Variants in HSP90AA1 observed in about 807,000 individuals in gnomAD.
The protein encoded by HSP90AA1 is heat shock protein 90 alpha family class A member 1.
Under a neutral mutation model 73.3 loss-of-function variants are expected in HSP90AA1, and 18 were observed. That is an observed-to-expected ratio of 0.25 (90% CI 0.17 to 0.36). HSP90AA1 has a LOEUF of 0.36. HSP90AA1 is among the 10% of genes least tolerant of loss of function. The pLI is 1.00. For missense variants in HSP90AA1, 704 were observed against 874.2 expected (o/e 0.81, Z 2.45); for synonymous variants, 477 against 296.9 (o/e 1.61, Z -6.24).
chr14:102,100,173 G>A (rs374263990), intron 2 of HSP90AA1, among the ~76,000 whole-genome samples: 2 of 152,206 alleles, frequency 1.3e-5, no homozygotes, highest in Admixed American at 1.3e-4. Flanking sequence ...GGGTAGCAGA[G>A]CAAAACTCTG....
chr14:102,096,637 T>C (rs1479230728), intron 2 of HSP90AA1, among the ~76,000 whole-genome samples: 1 of 152,242 alleles, frequency 6.6e-6, no homozygotes, highest in Non-Finnish European at 1.5e-5. Context: ...ACTCTGTCTT[T>C]CTCGTCTCAA....
intron 1 of HSP90AA1, among the ~76,000 whole-genome samples, chr14:102,086,645 C>T (rs929700449): frequency 2.6e-5 from 4 of 151,236 alleles, no homozygotes; most frequent in Admixed American, 2.6e-4. Flanking sequence ...GGTGCCCTCC[C>T]GCGCGGGCTG....
chr14:102,100,423 GTTTT>G (rs71116879), intron 2 of HSP90AA1, among the ~76,000 whole-genome samples: 1 of 106,304 alleles, frequency 9.4e-6, no homozygotes, highest in African/African-American at 3.3e-5. Context: ...TTCCAGTCTG[GTTTT>G]TTTTTTTTTT....
chr14:102,088,828 G>C (rs2049309603), upstream of HSP90AA1, among the ~76,000 whole-genome samples: 1 of 151,974 alleles, frequency 6.6e-6, no homozygotes, highest in Non-Finnish European at 1.5e-5. Flanking sequence ...TCCTACCGCA[G>C]TTTCTGCCAT....
intron 1 of HSP90AA1, chr14:102,139,126 G>C (rs1397421647): frequency 7.5e-6 from 9 of 1,195,324 alleles, no homozygotes; most frequent in Non-Finnish European, 1.1e-5. Context: ...GGCCGCCAGT[G>C]CTCATCACAC....
chr14:102,134,143 C>A (rs2049946775), intron 1 of HSP90AA1, among the ~76,000 whole-genome samples: 2 of 62,934 alleles, frequency 3.2e-5, no homozygotes, highest in South Asian at 1.6e-3. Flanking sequence ...AGAGTGAGAC[C>A]TGTCTCAAAA....
chr14:102,112,661 G>A (rs904867492), intron 1 of HSP90AA1, among the ~76,000 whole-genome samples: 6 of 151,926 alleles, frequency 3.9e-5, no homozygotes, highest in Non-Finnish European at 8.8e-5. Flanking sequence ...AAATTTTTTT[G>A]TAGAGATGGA....
chr14:102,082,668 T>TGGAG (rs1417600205), intron 9 of HSP90AA1: 12 of 561,478 alleles, frequency 2.1e-5, no homozygotes, highest in Non-Finnish European at 3.5e-5. Context: ...TCACCCAGGC[T>TGGAG]GGAGTGCAGT....
intron 2 of HSP90AA1, among the ~76,000 whole-genome samples, chr14:102,100,086 G>T (rs1258015102): frequency 1.3e-4 from 20 of 152,114 alleles, no homozygotes; most frequent in Admixed American, 1.3e-3. Context: ...TAACTGGGAG[G>T]CTGAGCAGGG....
At position 102,137,397 on chromosome 14, in the gene HSP90AA1, C is replaced by T. The variant is rs568514772; in HGVS notation, c.155+1853G>A. Among the ~76,000 whole-genome samples, 42 of 152,006 alleles carry T rather than the reference C, an allele frequency of 2.8e-4. No individual in the cohort carries two copies. The East Asian group carries it at 7.9e-3, about 29-fold the overall frequency. ...CTGGAGTGCAGTGGTGCCATCTCGG[C>T]TCATTGCAACCTCCACCTCCCGGGT... On this transcript the variant is annotated intron_variant, in intron 1 of 11. Coordinates refer to the HSP90AA1 transcript ENST00000334701.
chr14:102,087,931 GT>G (rs71116877), upstream of HSP90AA1, among the ~76,000 whole-genome samples: 187 of 109,800 alleles, frequency 1.7e-3, 1 homozygote, highest in Middle Eastern at 6.6e-3. Flanking sequence ...GCCCTAAAAG[GT>G]TTTTTTTTTT....
intron 1 of HSP90AA1, among the ~76,000 whole-genome samples, chr14:102,133,218 T>G (rs2049930603): frequency 6.6e-6 from 1 of 151,930 alleles, no homozygotes; most frequent in Admixed American, 6.5e-5. Flanking sequence ...AGGTGGAGGT[T>G]GCAGTGAGCT....
At chr14:102,110,564 C>T (rs1243082625) in intron 1 of HSP90AA1, among the ~76,000 whole-genome samples, 4 of 151,072 alleles carry the variant, frequency 2.6e-5, no homozygotes, top group Admixed American at 6.6e-5. Context: ...GGATTACAGG[C>T]GCCCACCACC....
At chr14:102,113,225 T>C (rs1417121889) in intron 1 of HSP90AA1, among the ~76,000 whole-genome samples, 3 of 152,040 alleles carry the variant, frequency 2.0e-5, no homozygotes, top group African/African-American at 4.8e-5. Context: ...GGTTTCACCA[T>C]GTTGGCCAGG....
At chr14:102,084,013 G>A (rs763998762) in intron 6 of HSP90AA1, 30 bp from the exon 7 acceptor site, 4 of 1,533,074 alleles carry the variant, frequency 2.6e-6, no homozygotes, top group African/African-American at 2.7e-5. Context: ...AATGCACTGA[G>A]TCATTCCAAG....
intron 2 of HSP90AA1, among the ~76,000 whole-genome samples, chr14:102,097,637 A>T (rs1206319961): frequency 6.6e-6 from 1 of 152,088 alleles, no homozygotes; most frequent in African/African-American, 2.4e-5. Flanking sequence ...ATCCTCAGAT[A>T]CCCCTCGAGG....
At chr14:102,122,816 T>C (rs191756208) in intron 1 of HSP90AA1, among the ~76,000 whole-genome samples, 11,692 of 150,624 alleles carry the variant, frequency 0.078, 589 homozygotes, top group Middle Eastern at 0.13. Context: ...TACAGGTGCC[T>C]GCCACCATGC....
In HSP90AA1 at chr14:102,084,149, A is replaced by T; in HGVS notation, c.1148-166T>A. ...CAGTGGCGCAATCTCCACTCACTGCAACCTCTGCCTCCCGGGGGGGTTCAA... is the reference window on the plus strand; with the variant it reads ...CAGTGGCGCAATCTCCACTCACTGCTACCTCTGCCTCCCGGGGGGGTTCAA... On this transcript the variant is annotated intron_variant, in intron 6 of 10. Transcript: ENST00000216281. 4 of 715,948 alleles carry T rather than the reference A, an allele frequency of 5.6e-6. No homozygotes were observed. In the Admixed American group the frequency reaches 6.6e-5, roughly 12 times the overall value. 44.3% of individuals were successfully genotyped at this position (715,948 alleles called of 1,614,324 possible).
chr14:102,082,068 G>A (rs775513014), intron 10 of HSP90AA1, 43 bp downstream of exon 10: 15 of 1,301,078 alleles, frequency 1.2e-5, no homozygotes, highest in East Asian at 9.3e-5. Flanking sequence ...TCAATGTCAC[G>A]TGTGTTTATT....
Sources: gnomAD v4.1 joint callset for allele counts (sites outside exome capture counted in the v4.1 genomes callset) on GRCh38, gnomAD v4.1.1 for gene constraint, MANE v1.5 for transcripts, NCBI Gene and HGNC (gene_info 2026-07-23, HGNC 2026-07-21) for gene names.